The following RANBP3 variants were observed in gnomAD, a reference collection of about 807,000 sequenced individuals.
RANBP3 encodes RAN binding protein 3.
RANBP3 carries 14 observed loss-of-function variants against 77.3 expected under a neutral mutation model. That is an observed-to-expected ratio of 0.18 (90% confidence interval 0.12 to 0.28). The LOEUF is 0.28. Ranked by LOEUF, RANBP3 falls within the 10% of genes least tolerant of loss-of-function variation. The pLI, the probability that RANBP3 is intolerant of heterozygous loss-of-function variation, is 1.00. For synonymous variants in RANBP3, 315 were observed against 312.4 expected, an observed-to-expected ratio of 1.01 and a Z score of -0.09; for missense variants, 586 against 752.3, an observed-to-expected ratio of 0.78 and a Z score of 2.59.
Position 5,928,648 on chromosome 19 carries a change from G to A in RANBP3, c.694-561C>T, listed in dbSNP as rs185974906. On this transcript the variant is annotated intron_variant, in intron 8 of 16. Transcript: ENST00000340578. Reference sequence around the variant, plus strand: ...TGAGGAATGCCCAGGAAAATAAGTCGGGAGAGAGAATTCAAACTACTGACG... The same window carrying A: ...TGAGGAATGCCCAGGAAAATAAGTCAGGAGAGAGAATTCAAACTACTGACG... Among the ~76,000 whole-genome samples, 381 of 152,154 alleles carry A rather than the reference G, an allele frequency of 2.5e-3. 2 individuals are homozygous for A. Among genetic ancestry groups the A allele is most frequent in the African/African-American group, 8.8e-3 (364 of 41,492 alleles).
chr19:5,924,013 C>T lies in RANBP3; in HGVS notation c.997-99G>A. On this transcript the variant is annotated intron_variant, in intron 11 of 16. Coordinates refer to ENST00000340578, the MANE Select transcript of RANBP3 (RefSeq NM_007322.3). This position sits in a 1 kb window ranked among gnomAD's most constrained non-coding sequence, Gnocchi z 4.7. ...TGCCTGGCCCCCAACACTACGCTGC[C>T]CCCAGCACTCCTGCCCACTCCCGGT... The T allele has an allele frequency of 2.3e-6, 2 of 886,638 alleles. No homozygotes were observed. The highest frequency in any genetic ancestry group is 4.1e-5 in the Admixed American group (2 of 48,588). 54.9% of individuals were successfully genotyped at this position (886,638 alleles called of 1,614,324 possible).
chr19:5,917,593 A>T lies in RANBP3; in HGVS notation c.*17T>A. On this transcript the variant is annotated 3_prime_UTR_variant, in exon 17 of 17. Coordinates refer to ENST00000340578, the MANE Select transcript of RANBP3 (RefSeq NM_007322.3). ...CGGACAAAGCAGCAGCCTGGTGTGC[A>T]GCCGGGCTCCCGGCCGCTATGTGCT... 2 of 1,583,366 alleles carry T rather than the reference A, an allele frequency of 1.3e-6. No homozygotes were observed. The highest frequency in any genetic ancestry group is 1.7e-6 in the Non-Finnish European group (2 of 1,169,002).
At position 5,923,732 on chromosome 19, in the gene RANBP3, C is replaced by T. The variant is rs73920089; in HGVS notation, c.1099+80G>A. ...CGGGAGTCGGGCCCCTTATCCCTCC[C>T]GGCTGGGGGTGTGAATGGACCCAGC... is the stretch of plus-strand genomic sequence containing the variant. On this transcript the variant is annotated intron_variant, in intron 12 of 16. Coordinates refer to ENST00000340578, the MANE Select transcript of RANBP3 (RefSeq NM_007322.3). The T allele has an allele frequency of 1.8e-3, 2,167 of 1,183,488 alleles. 6 individuals are homozygous for T. Among genetic ancestry groups the T allele is most frequent in the Middle Eastern group, 0.011 (48 of 4,536 alleles). The allele number at this position is 1,183,488 out of a possible 1,614,324, so 73.3% of individuals were successfully genotyped here.
In RANBP3 at chr19:5,919,006, G is replaced by A. The variant is rs1447856554; in HGVS notation, c.1331-368C>T. Among the ~76,000 whole-genome samples the A allele has an allele frequency of 5.9e-5, 9 of 152,238 alleles. No individual in the cohort carries two copies. In the South Asian group the frequency reaches 8.3e-4, roughly 14 times the overall value. ...AGAAGGGGGGATTAGAGAGGAGTAC[G>A]GGGTGGGCTGCGGGAGGCAGGGGCT... is the stretch of plus-strand genomic sequence containing the variant. On this transcript the variant is annotated intron_variant, in intron 14 of 16. Coordinates refer to ENST00000340578, the MANE Select transcript of RANBP3 (RefSeq NM_007322.3).
chr19:5,966,800 C>T (rs1247498201), intron 1 of RANBP3, among the ~76,000 whole-genome samples: 1 of 152,228 alleles, frequency 6.6e-6, no homozygotes, highest in Non-Finnish European at 1.5e-5. Flanking sequence ...ATGCCCTCAT[C>T]TAGAAAGCAA....
intron 8 of RANBP3, among the ~76,000 whole-genome samples, chr19:5,930,529 C>T (rs895038820): frequency 2.0e-5 from 3 of 152,236 alleles, no homozygotes; most frequent in Non-Finnish European, 4.4e-5. Flanking sequence ...AAACACAAAG[C>T]TTTTGGCCCA....
In RANBP3 at chr19:5,959,818, C is replaced by T. The variant is rs994127444; in HGVS notation, c.23-1845G>A. On this transcript the variant is annotated intron_variant, in intron 1 of 16. Coordinates refer to ENST00000340578, the MANE Select transcript of RANBP3 (RefSeq NM_007322.3). This position sits in a 1 kb window ranked among gnomAD's most constrained non-coding sequence, Gnocchi z 5.1. Reference sequence around the variant, plus strand: ...AGCCCTGACCTCTGCATTTGCCTCCCTGCCAGCTGCCAGGTGACAAGATGC... The same window carrying T: ...AGCCCTGACCTCTGCATTTGCCTCCTTGCCAGCTGCCAGGTGACAAGATGC... Among the ~76,000 whole-genome samples the T allele has an allele frequency of 6.6e-6, 1 of 152,142 alleles. No homozygotes were observed. The highest frequency in any genetic ancestry group is 1.5e-5 in the Non-Finnish European group (1 of 68,018).
chr19:5,968,101 A>G (rs926528114), intron 1 of RANBP3, among the ~76,000 whole-genome samples: 6 of 152,206 alleles, frequency 3.9e-5, no homozygotes, highest in African/African-American at 1.4e-4. Flanking sequence ...CTGTTCCGCC[A>G]CTAGGTGGTG....
At chr19:5,931,370 C>A in intron 8 of RANBP3, 34 bp downstream of exon 8, 1 of 1,584,212 alleles carries the variant, frequency 6.3e-7, no homozygotes, top group Non-Finnish European at 8.6e-7. Context: ...AGGGGCCTAG[C>A]ATGCAGCGCT....
At chr19:5,971,149 T>C (rs2058525848) in intron 1 of RANBP3, among the ~76,000 whole-genome samples, 1 of 152,182 alleles carries the variant, frequency 6.6e-6, no homozygotes, top group Non-Finnish European at 1.5e-5. Flanking sequence ...ACTGACACCA[T>C]ATTAGAAATG....
intron 2 of RANBP3, among the ~76,000 whole-genome samples, chr19:5,956,860 G>A (rs925860315): frequency 1.3e-5 from 2 of 152,224 alleles, no homozygotes; most frequent in African/African-American, 4.8e-5. Context: ...GAATGGAGTT[G>A]ATGAGATTCT....
At chr19:5,965,384 C>A (rs966458229) in intron 1 of RANBP3, among the ~76,000 whole-genome samples, 1 of 152,156 alleles carries the variant, frequency 6.6e-6, no homozygotes, top group African/African-American at 2.4e-5. Flanking sequence ...AAATAGCAGG[C>A]TTCCTGGTAG....
At chr19:5,919,064 TGA>T (rs143380093) in intron 14 of RANBP3, among the ~76,000 whole-genome samples, 2,369 of 152,232 alleles carry the variant, frequency 0.016, 33 homozygotes, top group Middle Eastern at 0.031. Flanking sequence ...TCTGTGTGTG[TGA>T]GACATCGGCC....
intron 15 of RANBP3, 174 bp downstream of exon 15, chr19:5,918,322 C>G (rs1191438329): frequency 1.3e-6 from 1 of 754,340 alleles, no homozygotes; most frequent in Non-Finnish European, 2.1e-6. Context: ...GGACCATGAT[C>G]TCTATTCCTG....
At chr19:5,962,595 G>A (rs533822936) in intron 1 of RANBP3, 1 of 453,092 alleles carries the variant, frequency 2.2e-6, no homozygotes, top group African/African-American at 2.0e-5. Flanking sequence ...ACAGCAATAG[G>A]AGATGAACTT....
chr19:5,929,253 G>A (rs2057955263), intron 8 of RANBP3, among the ~76,000 whole-genome samples: 1 of 152,248 alleles, frequency 6.6e-6, no homozygotes, highest in Admixed American at 6.5e-5. Context: ...AGTGAACGTG[G>A]CTTTTTAAAA....
chr19:5,962,243 G>T (rs1404126697), intron 1 of RANBP3, among the ~76,000 whole-genome samples: 1 of 152,144 alleles, frequency 6.6e-6, no homozygotes, highest in Non-Finnish European at 1.5e-5. Context: ...TGTGCAGGGC[G>T]CCACAGGAAG....
intron 8 of RANBP3, among the ~76,000 whole-genome samples, chr19:5,930,204 A>C (rs2057970305): frequency 6.6e-6 from 1 of 152,264 alleles, no homozygotes; most frequent in African/African-American, 2.4e-5. Context: ...CAGCAGTCAA[A>C]GCTTCCAAGC....
At chr19:5,970,755 T>C (rs943180347) in intron 1 of RANBP3, among the ~76,000 whole-genome samples, 2 of 152,186 alleles carry the variant, frequency 1.3e-5, no homozygotes, top group African/African-American at 4.8e-5. Flanking sequence ...TATCTCCACA[T>C]TCCAGTAGGT....
Sources: allele counts gnomAD v4.1 joint callset (sites outside exome capture counted in the v4.1 genomes callset), GRCh38; gene constraint gnomAD v4.1.1; non-coding constraint Gnocchi (gnomAD v3.1); transcripts MANE v1.5; gene names NCBI Gene and HGNC (gene_info 2026-07-23, HGNC 2026-07-21).